FAM114A1: variants seen among roughly 807,000 people sequenced by gnomAD.
FAM114A1 encodes the protein family with sequence similarity 114 member A1.
FAM114A1 carries 62 observed loss-of-function variants against 64.3 expected under a neutral mutation model. The ratio of observed to expected loss-of-function variants is 0.96; its 90% CI spans 0.79 to 1.19. FAM114A1 has a LOEUF of 1.19. Among genes scored for constraint, FAM114A1 ranks in the 50% most tolerant of loss-of-function variants. The probability of loss-of-function intolerance (pLI) is 0.00; values close to 1 mark genes in which losing one functional copy is unlikely to be tolerated. For missense variants in FAM114A1, 645 were observed against 676.3 expected, an observed-to-expected ratio of 0.95 and a Z score of 0.51; for synonymous variants, 254 against 251.1, an observed-to-expected ratio of 1.01 and a Z score of -0.11.
intron 7 of FAM114A1, among the ~76,000 whole-genome samples, chr4:38,910,555 GAAAAA>G (rs2109698766): frequency 6.6e-6 from 1 of 152,280 alleles, no homozygotes; most frequent in African/African-American, 2.4e-5. Flanking sequence ...GTGCCATGGG[GAAAAA>G]GACAAAGTAG....
intron 3 of FAM114A1, among the ~76,000 whole-genome samples, chr4:38,890,600 C>T (rs34293100): frequency 0.15 from 23,119 of 151,914 alleles, 2,994 homozygotes; most frequent in African/African-American, 0.34. Flanking sequence ...ATTCTCCATA[C>T]AGGTAACTCA....
intron 3 of FAM114A1, among the ~76,000 whole-genome samples, chr4:38,879,396 A>G (rs1283397841): frequency 1.3e-5 from 2 of 152,184 alleles, no homozygotes; most frequent in African/African-American, 4.8e-5. Context: ...CCTCCAATCT[A>G]TCATTAACTC....
At chr4:38,907,671 C>A (rs1416919121) in intron 6 of FAM114A1, among the ~76,000 whole-genome samples, 1 of 151,994 alleles carries the variant, frequency 6.6e-6, no homozygotes, top group Non-Finnish European at 1.5e-5. Context: ...TATATTAATT[C>A]TATGAAATTA....
chr4:38,873,323 G>C (rs1714272387), intron 2 of FAM114A1, among the ~76,000 whole-genome samples: 1 of 152,180 alleles, frequency 6.6e-6, no homozygotes, highest in Admixed American at 6.5e-5. Flanking sequence ...AAAAAAGAAA[G>C]ACAATACGGA....
intron 4 of FAM114A1, among the ~76,000 whole-genome samples, chr4:38,900,180 A>C (rs1717373761): frequency 6.6e-6 from 1 of 152,054 alleles, no homozygotes; most frequent in African/African-American, 2.4e-5. Context: ...ACGTTTTGAA[A>C]ATTTTTTTAC....
chr4:38,912,530 C>T (rs1489384185), intron 7 of FAM114A1, among the ~76,000 whole-genome samples: 1 of 151,966 alleles, frequency 6.6e-6, no homozygotes, highest in African/African-American at 2.4e-5. Context: ...TTACAGGTGC[C>T]CGCCACCATG....
chr4:38,912,599 G>T (rs1321048796), intron 7 of FAM114A1, among the ~76,000 whole-genome samples: 1 of 152,124 alleles, frequency 6.6e-6, no homozygotes, highest in East Asian at 1.9e-4. Flanking sequence ...GGCCAGGCTG[G>T]TCTTGAACTC....
intron 6 of FAM114A1, among the ~76,000 whole-genome samples, chr4:38,906,638 G>A (rs1453051415): frequency 6.6e-6 from 1 of 152,142 alleles, no homozygotes; most frequent in Non-Finnish European, 1.5e-5. Flanking sequence ...TGATTCAAGT[G>A]ATTCTCCCAC....
intron 4 of FAM114A1, among the ~76,000 whole-genome samples, chr4:38,893,226 G>T (rs1170704632): frequency 6.6e-6 from 1 of 152,240 alleles, no homozygotes; most frequent in Non-Finnish European, 1.5e-5. Flanking sequence ...TCTTGCCACT[G>T]GTGGCACTTA....
intron 8 of FAM114A1, among the ~76,000 whole-genome samples, chr4:38,916,634 G>A (rs1309584030): frequency 6.6e-6 from 1 of 152,046 alleles, no homozygotes. Flanking sequence ...ACAGGGAGGG[G>A]AACATCACAC....
chr4:38,935,731 A>G lies in FAM114A1; in HGVS notation c.1477A>G (p.Met493Val), dbSNP rs1216714000. ...TTCTTCTTTCAGATTAACTACTGCA[A>G]TGTGCAATGAAGTGGCCTCTTTATC... ...AKVLIKLTTA[M>V]CNEVASLSKK... The change falls in exon 13 of 15, where the codon ATG (methionine) becomes GTG (valine). Residue 493 changes from methionine to valine, a missense_variant. Coordinates refer to ENST00000358869, the MANE Select transcript of FAM114A1 (RefSeq NM_138389.4). The G allele has an allele frequency of 3.7e-6, 6 of 1,608,342 alleles. No individual in the cohort carries two copies. The highest frequency in any genetic ancestry group is 1.3e-5 in the African/African-American group (1 of 74,516).
At chr4:38,875,300 C>G (rs1714502870) in intron 2 of FAM114A1, among the ~76,000 whole-genome samples, 1 of 152,096 alleles carries the variant, frequency 6.6e-6, no homozygotes, top group Non-Finnish European at 1.5e-5. Flanking sequence ...TTCTTCCTAT[C>G]CATGAGCATG....
intron 12 of FAM114A1, among the ~76,000 whole-genome samples, chr4:38,932,629 T>TCA (rs1483996747): frequency 6.6e-6 from 1 of 152,086 alleles, no homozygotes; most frequent in East Asian, 1.9e-4. Flanking sequence ...CCCCTGGAGT[T>TCA]GGGACCACAG....
At chr4:38,893,058 G>C (rs1195204852) in intron 4 of FAM114A1, among the ~76,000 whole-genome samples, 1 of 152,248 alleles carries the variant, frequency 6.6e-6, no homozygotes, top group Non-Finnish European at 1.5e-5. Context: ...TATGCCTTGA[G>C]TACCACATAT....
chr4:38,905,690 A>G, intron 5 of FAM114A1, 55 bp downstream of exon 5: 1 of 1,609,116 alleles, frequency 6.2e-7, no homozygotes, highest in Non-Finnish European at 8.5e-7. Context: ...CATGTGCATA[A>G]TCAGAGGTTT....
intron 8 of FAM114A1, among the ~76,000 whole-genome samples, chr4:38,921,649 A>G (rs1719607204): frequency 6.6e-6 from 1 of 152,168 alleles, no homozygotes; most frequent in Non-Finnish European, 1.5e-5. Context: ...CAGTCCCAGC[A>G]TCACCTCCTC....
At chr4:38,901,349 T>G (rs1717502005) in intron 4 of FAM114A1, among the ~76,000 whole-genome samples, 1 of 152,006 alleles carries the variant, frequency 6.6e-6, no homozygotes, top group African/African-American at 2.4e-5. Flanking sequence ...AGTGCGATGG[T>G]GCAAACTCAG....
intron 3 of FAM114A1, among the ~76,000 whole-genome samples, chr4:38,882,702 G>A (rs941946735): frequency 4.6e-5 from 7 of 152,288 alleles, no homozygotes; most frequent in African/African-American, 1.7e-4. Flanking sequence ...CTTTGAGGAC[G>A]TACTTCTAAG....
chr4:38,927,671 ATC>A (rs1264362607), intron 9 of FAM114A1, among the ~76,000 whole-genome samples: 1 of 151,896 alleles, frequency 6.6e-6, no homozygotes, highest in African/African-American at 2.4e-5. Flanking sequence ...TTATTTACTT[ATC>A]TGTTTTGTTT....
Sources: gnomAD v4.1 joint callset for allele counts (sites outside exome capture counted in the v4.1 genomes callset) on GRCh38, gnomAD v4.1.1 for gene constraint, MANE v1.5 for transcripts, NCBI Gene and HGNC (gene_info 2026-07-23, HGNC 2026-07-21) for gene names.